Variants in IMPG1 observed in about 807,000 individuals in gnomAD.
IMPG1 encodes interphotoreceptor matrix proteoglycan 1.
A neutral mutation model predicts 92.0 loss-of-function variants in IMPG1; 85 were observed. That is an observed-to-expected ratio of 0.92 (90% confidence interval 0.78 to 1.11). The LOEUF (loss-of-function observed/expected upper bound fraction) is 1.11, where lower values mean the gene tolerates loss of function less well. Among genes scored for constraint, IMPG1 ranks in the 50% least tolerant of loss-of-function variants. The pLI is 0.00. For missense variants in IMPG1, 1,022 were observed against 956.0 expected, an observed-to-expected ratio of 1.07 and a Z score of -0.91; for synonymous variants, 367 against 334.1, an observed-to-expected ratio of 1.10 and a Z score of -1.08.
At chr6:76,014,529 T>C (rs1482693301) in intron 7 of IMPG1, among the ~76,000 whole-genome samples, 1 of 152,216 alleles carries the variant, frequency 6.6e-6, no homozygotes, top group Non-Finnish European at 1.5e-5. Flanking sequence ...ACATCTGCTG[T>C]GGCTTCCTAG....
intron 7 of IMPG1, among the ~76,000 whole-genome samples, chr6:76,017,650 C>T (rs1470080028): frequency 6.6e-6 from 1 of 152,138 alleles, no homozygotes. Flanking sequence ...ACCAGTGAAA[C>T]CATCACCATA....
intron 2 of IMPG1, among the ~76,000 whole-genome samples, chr6:76,035,328 C>T (rs544682447): frequency 6.6e-6 from 1 of 151,760 alleles, no homozygotes; most frequent in African/African-American, 2.4e-5. Flanking sequence ...GGAGAAAGCT[C>T]GTCTCTACTA....
At chr6:75,958,474 G>A (rs1782164288) in intron 12 of IMPG1, among the ~76,000 whole-genome samples, 1 of 152,194 alleles carries the variant, frequency 6.6e-6, no homozygotes, top group African/African-American at 2.4e-5. Flanking sequence ...ATATCCTGAA[G>A]AGCATTTTCC....
At chr6:76,072,329 G>T (rs538527707) in intron 1 of IMPG1, 93 bp downstream of exon 1, 2 of 671,180 alleles carry the variant, frequency 3.0e-6, no homozygotes, top group East Asian at 2.7e-5. Context: ...TAGCCCGTGA[G>T]ATCAATTGGT....
chr6:76,008,531 C>G (rs1231795768), intron 8 of IMPG1, among the ~76,000 whole-genome samples: 1 of 152,182 alleles, frequency 6.6e-6, no homozygotes, highest in Admixed American at 6.6e-5. Flanking sequence ...AACCCTCCTT[C>G]TGCGGAGGCA....
chr6:76,062,848 A>T lies in IMPG1; in HGVS notation c.67+9574T>A, dbSNP rs571309392. Among the ~76,000 whole-genome samples the T allele has an allele frequency of 2.7e-5, 3 of 110,884 alleles. No individual in the cohort carries two copies. The East Asian group carries it at 8.6e-4, about 32-fold the overall frequency. 72.7% of individuals were successfully genotyped at this position (110,884 alleles called of 152,430 possible). On this transcript the variant is annotated intron_variant, in intron 1 of 16. Transcript: ENST00000369950. ...AAATAAAAAGCCCTAAATGAGTAGC[A>T]AGTTAGGTTTTTTTTTTTTTTTTTC... is the stretch of plus-strand genomic sequence containing the variant.
chr6:75,971,172 C>T lies in IMPG1; in HGVS notation c.1292-20078G>A, dbSNP rs529776244. Among the ~76,000 whole-genome samples, 14 of 152,184 alleles carry T rather than the reference C, an allele frequency of 9.2e-5. No individual in the cohort carries two copies. The South Asian group carries it at 2.9e-3, about 32-fold the overall frequency. On this transcript the variant is annotated intron_variant, in intron 12 of 16. Coordinates refer to ENST00000369950, the MANE Select transcript of IMPG1 (RefSeq NM_001563.4). Reference sequence around the variant, plus strand: ...GATGAGTTCATATCCTTGGTAGGGACATGGATGAAGCTGGAAACCATCATT... The same window carrying T: ...GATGAGTTCATATCCTTGGTAGGGATATGGATGAAGCTGGAAACCATCATT...
Position 76,010,434 on chromosome 6 carries a change from C to G in IMPG1, c.866+732G>C, listed in dbSNP as rs781049591. The stretch of plus-strand genomic sequence containing the variant: ...ACAAAAAAAGATTTAAAAATTATTT[C>G]CCCCAATCATGAACCCACATGAGAG... On this transcript the variant is annotated intron_variant, in intron 8 of 16. Transcript: ENST00000369950. Among the ~76,000 whole-genome samples, 5 of 152,172 alleles carry G rather than the reference C, an allele frequency of 3.3e-5. No homozygotes were observed. In the South Asian group the frequency reaches 1.0e-3, roughly 32 times the overall value.
intron 12 of IMPG1, among the ~76,000 whole-genome samples, chr6:75,956,540 C>G (rs1050492837): frequency 2.0e-5 from 3 of 152,144 alleles, no homozygotes; most frequent in African/African-American, 7.2e-5. Flanking sequence ...TTTCAAAAAA[C>G]AAGCTCCTGT....
intron 15 of IMPG1, among the ~76,000 whole-genome samples, chr6:75,927,846 A>G (rs1781584723): frequency 6.7e-6 from 1 of 148,482 alleles, no homozygotes; most frequent in African/African-American, 2.4e-5. Context: ...AAGGAGCGTC[A>G]ATTTTTCAAT....
chr6:75,925,528 T>C lies in IMPG1; in HGVS notation c.2244-1822A>G, dbSNP rs189945718. 6.4e-3 allele frequency among the ~76,000 whole-genome samples: 969 copies of C among 152,122 alleles called. 5 individuals are homozygous for C. Among genetic ancestry groups the C allele is most frequent in the Middle Eastern group, 0.017 (5 of 294 alleles). The stretch of plus-strand genomic sequence containing the variant: ...GGCAGAGGAGAGAGGAGGAAAAATA[T>C]AGTTTAAGGAGGTTGAGGCCAGGTG... On this transcript the variant is annotated intron_variant, in intron 15 of 16. Coordinates refer to ENST00000369950, the MANE Select transcript of IMPG1 (RefSeq NM_001563.4).
intron 14 of IMPG1, among the ~76,000 whole-genome samples, chr6:75,933,845 A>G (rs1781699392): frequency 6.6e-6 from 1 of 152,256 alleles, no homozygotes; most frequent in Non-Finnish European, 1.5e-5. Context: ...GGCACTTTCA[A>G]CATGTGTCTT....
intron 12 of IMPG1, among the ~76,000 whole-genome samples, chr6:75,960,072 C>T (rs1287743858): frequency 3.3e-5 from 5 of 152,118 alleles, no homozygotes; most frequent in South Asian, 2.1e-4. Flanking sequence ...TGGAATGCAC[C>T]GTTCCTCACG....
At chr6:76,049,608 A>G (rs34301610) in intron 1 of IMPG1, among the ~76,000 whole-genome samples, 5,700 of 152,336 alleles carry the variant, frequency 0.037, 152 homozygotes, top group Non-Finnish European at 0.056. Flanking sequence ...AGAAAGTGAC[A>G]GTAAACTAAA....
intron 4 of IMPG1, among the ~76,000 whole-genome samples, chr6:76,029,955 T>C (rs1369860129): frequency 6.6e-6 from 1 of 151,828 alleles, no homozygotes; most frequent in Non-Finnish European, 1.5e-5. Context: ...CCAAACTCAA[T>C]TCCAAGCTTT....
chr6:75,971,986 A>G (rs1435014781), intron 12 of IMPG1, among the ~76,000 whole-genome samples: 1 of 152,214 alleles, frequency 6.6e-6, no homozygotes, highest in Non-Finnish European at 1.5e-5. Flanking sequence ...TTTATTAAAC[A>G]TGACCTTTGG....
At chr6:76,009,949 A>G (rs1783155383) in intron 8 of IMPG1, among the ~76,000 whole-genome samples, 1 of 152,254 alleles carries the variant, frequency 6.6e-6, no homozygotes, top group African/African-American at 2.4e-5. Context: ...TTTATGCAGA[A>G]TATTTTTCTA....
chr6:75,983,544 C>T (rs1031122892), intron 12 of IMPG1, among the ~76,000 whole-genome samples: 1 of 152,064 alleles, frequency 6.6e-6, no homozygotes, highest in Non-Finnish European at 1.5e-5. Flanking sequence ...TGAAATTAGA[C>T]CCTCATCTCA....
intron 12 of IMPG1, among the ~76,000 whole-genome samples, chr6:75,979,554 G>T (rs1782595338): frequency 6.6e-6 from 1 of 152,152 alleles, no homozygotes; most frequent in Admixed American, 6.5e-5. Context: ...TTCCCAAGTG[G>T]TATAACTGTC....
Sources: gnomAD v4.1 joint callset for allele counts (sites outside exome capture counted in the v4.1 genomes callset) on GRCh38, gnomAD v4.1.1 for gene constraint, MANE v1.5 for transcripts, NCBI Gene and HGNC (gene_info 2026-07-23, HGNC 2026-07-21) for gene names.